The following ASPSCR1 variants were observed in gnomAD, a reference collection of about 807,000 sequenced individuals.
The protein encoded by ASPSCR1 is tether containing UBX domain for GLUT4.
ASPSCR1 carries 55 observed loss-of-function variants against 68.9 expected under a neutral mutation model. The observed-to-expected ratio is 0.80, with a 90% CI of 0.64 to 1.00. The LOEUF (loss-of-function observed/expected upper bound fraction) is 1.00, where lower values mean the gene tolerates loss of function less well. Ranked by LOEUF, ASPSCR1 falls within the 50% of genes least tolerant of loss-of-function variation. The probability of loss-of-function intolerance (pLI) is 0.00; values close to 1 mark genes in which losing one functional copy is unlikely to be tolerated. For missense variants in ASPSCR1, 765 were observed against 762.2 expected (o/e 1.00, Z -0.04); for synonymous variants, 352 against 332.6 (o/e 1.06, Z -0.63).
chr17:82,011,018 G>T (rs1033264418), intron 10 of ASPSCR1, 150 bp downstream of exon 10: 85 of 899,912 alleles, frequency 9.4e-5, no homozygotes, highest in Non-Finnish European at 1.3e-4. Flanking sequence ...CCCCTTGGGG[G>T]TGCAGAGGCA....
chr17:81,990,973 A>AGT lies in ASPSCR1; in HGVS notation c.375-3846_375-3845dup, dbSNP rs543365442. Among the ~76,000 whole-genome samples the AGT allele has an allele frequency of 7.0e-4, 107 of 152,162 alleles. No homozygotes were observed. The highest frequency in any genetic ancestry group is 2.5e-3 in the African/African-American group (104 of 41,516). On this transcript the variant is annotated intron_variant, in intron 4 of 15. Transcript: ENST00000306739. The surrounding 1 kb of genome is among the most constrained non-coding windows in gnomAD (Gnocchi z 4.1). ...ACGTCCCGTAAGGACCTAGTTGCCAAGTGGTGAAAGGCAGGGGTGTGGATG... is the reference window on the plus strand; with the variant it reads ...ACGTCCCGTAAGGACCTAGTTGCCAAGTGTGGTGAAAGGCAGGGGTGTGGATG...
intron 9 of ASPSCR1, 150 bp downstream of exon 9, chr17:82,009,717 C>G: frequency 1.6e-6 from 1 of 608,404 alleles, no homozygotes; most frequent in Non-Finnish European, 2.8e-6. Flanking sequence ...TGAGGCACAG[C>G]TCTGAGCGGG....
Position 81,983,643 on chromosome 17 carries a change from G to C in ASPSCR1, c.248G>C (p.Arg83Pro), listed in dbSNP as rs758004935. The change falls in exon 3 of 16, where the codon CGG becomes CCG. Residue 83 changes from arginine (R) to proline (P), a missense_variant. Coordinates refer to ENST00000306739, the MANE Select transcript of ASPSCR1 (RefSeq NM_024083.4). The surrounding 1 kb of genome is among the most constrained non-coding windows in gnomAD (Gnocchi z 4.4). ...NAKLEMVPAS[R>P]SREGPENMVR... ...AAGCTGGAGATGGTGCCCGCTTCCC[G>C]GAGCCGTGAGGGGCCTGAGAACATG... The C allele has an allele frequency of 6.2e-7, 1 of 1,612,524 alleles. No individual in the cohort carries two copies. The highest frequency in any genetic ancestry group is 1.3e-5 in the African/African-American group (1 of 74,670).
At position 81,994,861 on chromosome 17, in the gene ASPSCR1, G is replaced by C. The variant is rs749746317; in HGVS notation, c.415G>C (p.Val139Leu). Residue 139 changes from valine (V) to leucine (L), a missense_variant, in exon 5 of 16, where the codon GTG becomes CTG. Transcript: ENST00000306739. ...CCCCGGCGGGGCCACCCCAGTCTGC[G>C]TGTACACGAGGGATGAGGTAGGCGG... is the stretch of plus-strand genomic sequence containing the variant. ...QHPGGATPVCVYTRDEVTGEA... is the reference protein window; with the variant it reads ...QHPGGATPVCLYTRDEVTGEA... 3.7e-6 allele frequency: 6 copies of C among 1,612,942 alleles called. No individual in the cohort carries two copies. Among genetic ancestry groups the C allele is most frequent in the South Asian group, 1.1e-5 (1 of 91,004 alleles).
chr17:81,997,165 G>A (rs1287235771), intron 7 of ASPSCR1, among the ~76,000 whole-genome samples: 8 of 53,798 alleles, frequency 1.5e-4, no homozygotes, highest in Non-Finnish European at 1.9e-4. Flanking sequence ...ATGACAAGGC[G>A]GCAACTGTGT....
Position 81,998,958 on chromosome 17 carries a change from C to G in ASPSCR1, c.933+2112C>G, listed in dbSNP as rs192865562. Among the ~76,000 whole-genome samples the G allele has an allele frequency of 3.7e-4, 56 of 152,362 alleles. 2 individuals carry two copies. Among genetic ancestry groups the G allele is most frequent in the African/African-American group, 1.2e-3 (50 of 41,592 alleles). On this transcript the variant is annotated intron_variant, in intron 7 of 15. Transcript: ENST00000306739. ...CTGACCCTCTCCCTCACGCCTCCCC[C>G]CAACCGTGGGGACCTCGTGTCTGTG...
intron 7 of ASPSCR1, among the ~76,000 whole-genome samples, chr17:82,000,736 T>C (rs2042501816): frequency 6.6e-6 from 1 of 152,182 alleles, no homozygotes; most frequent in Middle Eastern, 3.2e-3. Context: ...CTGCCTTTGA[T>C]GTCAGGCATT....
chr17:81,984,332 C>A (rs948066756), intron 3 of ASPSCR1, among the ~76,000 whole-genome samples: 1 of 152,094 alleles, frequency 6.6e-6, no homozygotes, highest in African/African-American at 2.4e-5. Flanking sequence ...AATCCCAGCA[C>A]TTTAGGAGGC....
At chr17:81,981,295 T>C (rs2041786618) in intron 2 of ASPSCR1, among the ~76,000 whole-genome samples, 1 of 152,198 alleles carries the variant, frequency 6.6e-6, no homozygotes, top group Non-Finnish European at 1.5e-5. Flanking sequence ...GAACTCAGCT[T>C]TCAAGGTTTC....
rs987349405 is a variant in ASPSCR1, at chr17:81,977,775, G to A, written c.102+27G>A. Reference sequence around the variant, plus strand: ...TGCGGCCGCCCGCCCGGGGCGGACGGGTAGGCGGGCGGGGGGCGCTGCGCC... The same window carrying A: ...TGCGGCCGCCCGCCCGGGGCGGACGAGTAGGCGGGCGGGGGGCGCTGCGCC... On this transcript the variant is annotated intron_variant, in intron 1 of 15. Coordinates refer to ENST00000306739, the MANE Select transcript of ASPSCR1 (RefSeq NM_024083.4). This position sits in a 1 kb window ranked among gnomAD's most constrained non-coding sequence, Gnocchi z 5.0. 1.2e-3 allele frequency: 1,433 copies of A among 1,213,606 alleles called. No homozygotes were observed. Among genetic ancestry groups the A allele is most frequent in the Non-Finnish European group, 1.4e-3 (1,378 of 975,334 alleles). The allele number at this position is 1,213,606 out of a possible 1,614,324, so 75.2% of individuals were successfully genotyped here.
In ASPSCR1 at chr17:81,996,539, G is replaced by T; in HGVS notation, c.626G>T (p.Arg209Leu). The change falls in exon 7 of 16, where the codon CGC becomes CTC. Residue 209 changes from arginine to leucine, a missense_variant. Transcript: ENST00000306739. ...CCCTTGGAATCTGGGGAGCTCAGCC[G>T]CGGCGACTTGAGCCGTCCGGAGGAC... The part of the protein sequence containing the change: ...PLPLESGELS[R>L]GDLSRPEDAD... 6.2e-7 allele frequency: 1 copy of T among 1,612,864 alleles called. No homozygotes were observed. The highest frequency in any genetic ancestry group is 8.5e-7 in the Non-Finnish European group (1 of 1,179,644).
rs773350181 is a variant in ASPSCR1 at position 82,009,021 on chromosome 17, C to T, written c.934-16C>T. On this transcript the variant is annotated splice_polypyrimidine_tract_variant and intron_variant, in intron 7 of 15. Transcript: ENST00000306739. Reference sequence around the variant, plus strand: ...AGCCCGTGACACCCGCCGTCAGCCGCGCCCTCTGCCTCCAGCCCGTGGACC... The same window carrying T: ...AGCCCGTGACACCCGCCGTCAGCCGTGCCCTCTGCCTCCAGCCCGTGGACC... 86 of 1,502,516 alleles carry T rather than the reference C, an allele frequency of 5.7e-5. No homozygotes were observed. The highest frequency in any genetic ancestry group is 2.3e-4 in the South Asian group (18 of 79,404). The allele number at this position is 1,502,516 out of a possible 1,614,324, so 93.1% of individuals were successfully genotyped here.
chr17:82,004,170 A>ACCCTGCAGCCCCCAGCCTCCCTCC (rs2042629910), intron 7 of ASPSCR1, among the ~76,000 whole-genome samples: 1 of 152,090 alleles, frequency 6.6e-6, no homozygotes, highest in African/African-American at 2.4e-5. Flanking sequence ...TGGCGCCCTC[A>ACCCTGCAGCCCCCAGCCTCCCTCC]CCCTGCAGCC....
chr17:82,008,903 C>G lies in ASPSCR1; in HGVS notation c.934-134C>G. ...CCCCCAGGACCTGGCCTTGGCCCTG[C>G]GCTGGCCGGGGCCAGGGAGGGAGTG... On this transcript the variant is annotated intron_variant, in intron 7 of 15. Coordinates refer to ENST00000306739, the MANE Select transcript of ASPSCR1 (RefSeq NM_024083.4). 2.4e-6 allele frequency: 3 copies of G among 1,273,328 alleles called. No individual in the cohort carries two copies. In the South Asian group the frequency reaches 5.0e-5, roughly 21 times the overall value. 78.9% of individuals were successfully genotyped at this position (1,273,328 alleles called of 1,614,324 possible).
chr17:82,007,715 C>G (rs1367462194), intron 7 of ASPSCR1: 2 of 152,236 alleles, frequency 1.3e-5, no homozygotes, highest in Non-Finnish European at 2.9e-5. Flanking sequence ...ACAGGCTGGC[C>G]TGGCCGCTCA....
chr17:81,996,901 G>C, intron 7 of ASPSCR1, 55 bp downstream of exon 7: 1 of 1,521,940 alleles, frequency 6.6e-7, no homozygotes, highest in South Asian at 1.3e-5. Flanking sequence ...CTGATGTGTA[G>C]CCCTGCGTGG....
chr17:82,011,128 C>T (rs1197365350), intron 10 of ASPSCR1, among the ~76,000 whole-genome samples: 1 of 152,210 alleles, frequency 6.6e-6, no homozygotes, highest in Non-Finnish European at 1.5e-5. Flanking sequence ...CGCCCACCTA[C>T]TGGGCATGGG....
chr17:82,011,202 A>G (rs968318815), intron 10 of ASPSCR1, among the ~76,000 whole-genome samples: 11 of 149,004 alleles, frequency 7.4e-5, no homozygotes, highest in Non-Finnish European at 1.6e-4. Flanking sequence ...GTGCTGTGAC[A>G]TTCAGGGGCT....
chr17:82,012,795 T>A, intron 12 of ASPSCR1: 1 of 161,614 alleles, frequency 6.2e-6, no homozygotes, highest in South Asian at 1.8e-4. Context: ...CTTCTGTGGG[T>A]CCCTGCCACC....
Sources: gnomAD v4.1 joint callset for allele counts (sites outside exome capture counted in the v4.1 genomes callset) on GRCh38, gnomAD v4.1.1 for gene constraint, Gnocchi (gnomAD v3.1) non-coding constraint, MANE v1.5 for transcripts, NCBI Gene and HGNC (gene_info 2026-07-23, HGNC 2026-07-21) for gene names.